QRICH1: variants seen among roughly 807,000 people sequenced by gnomAD.
QRICH1 encodes transcriptional regulator QRICH1.
A neutral mutation model predicts 87.1 loss-of-function variants in QRICH1; 16 were observed. The ratio of observed to expected loss-of-function variants is 0.18; its 90% CI spans 0.12 to 0.28. QRICH1 has a LOEUF of 0.28. Ranked by LOEUF, QRICH1 falls within the 10% of genes least tolerant of loss-of-function variation. QRICH1 has a pLI of 1.00. For synonymous variants in QRICH1, 367 were observed against 368.4 expected, an observed-to-expected ratio of 1.00 and a Z score of 0.05; for missense variants, 647 against 951.7, an observed-to-expected ratio of 0.68 and a Z score of 4.21.
chr3:49,069,596 C>T (rs945721830), intron 2 of QRICH1, among the ~76,000 whole-genome samples: 1 of 143,852 alleles, frequency 7.0e-6, no homozygotes, highest in Non-Finnish European at 1.5e-5. Context: ...GATCCTTCCA[C>T]CTCAGCCTCT....
At chr3:49,048,290 GCCCGGCTA>G (rs1444375337) in intron 3 of QRICH1, among the ~76,000 whole-genome samples, 10 of 151,502 alleles carry the variant, frequency 6.6e-5, no homozygotes, top group East Asian at 2.0e-4. Flanking sequence ...GTGCCACCAC[GCCCGGCTA>G]ATTTTGTATT....
At chr3:49,069,667 A>T (rs183502264) in intron 2 of QRICH1, among the ~76,000 whole-genome samples, 1 of 151,104 alleles carries the variant, frequency 6.6e-6, no homozygotes, top group African/African-American at 2.4e-5. Context: ...TTTAGTACAG[A>T]CAAAGTCTCA....
At chr3:49,045,657 T>G (rs2093334881) in intron 5 of QRICH1, among the ~76,000 whole-genome samples, 1 of 152,036 alleles carries the variant, frequency 6.6e-6, no homozygotes, top group African/African-American at 2.4e-5. Context: ...TGGAGTGTAG[T>G]GACATAATCA....
intron 1 of QRICH1, 56 bp downstream of exon 1, chr3:49,093,855 GC>G (rs933565767): frequency 2.4e-5 from 9 of 376,902 alleles, no homozygotes; most frequent in East Asian, 7.6e-5. Context: ...TGTGGGGTGG[GC>G]CCCCCGTCTC....
At chr3:49,084,240 C>T (rs1418935598) in intron 1 of QRICH1, among the ~76,000 whole-genome samples, 4 of 151,950 alleles carry the variant, frequency 2.6e-5, no homozygotes, top group Non-Finnish European at 5.9e-5. Flanking sequence ...GCAACCACAC[C>T]CAGCCTAAAT....
intron 1 of QRICH1, among the ~76,000 whole-genome samples, chr3:49,089,265 G>A (rs542251343): frequency 6.6e-6 from 1 of 152,048 alleles, no homozygotes; most frequent in Admixed American, 6.6e-5. Context: ...TCACCATGTT[G>A]GCCAGGCTGG....
chr3:49,050,889 C>A (rs896233672), intron 3 of QRICH1, among the ~76,000 whole-genome samples: 15 of 152,276 alleles, frequency 9.9e-5, no homozygotes, highest in East Asian at 7.7e-4. Context: ...CCCTCCTCCC[C>A]ACCACCCACA....
At chr3:49,044,355 T>G in intron 6 of QRICH1, 35 bp downstream of exon 6, 1 of 1,483,098 alleles carries the variant, frequency 6.7e-7, no homozygotes, top group Non-Finnish European at 9.3e-7. Context: ...TAAATCCAGG[T>G]AGGAAAGATA....
chr3:49,033,336 C>A, intron 6 of QRICH1, 108 bp from the exon 7 acceptor site: 1 of 589,700 alleles, frequency 1.7e-6, no homozygotes. Flanking sequence ...TAAATTTCAT[C>A]AGGGGACTCT....
chr3:49,033,257 A>T (rs375213605), intron 6 of QRICH1, 29 bp from the exon 7 acceptor site: 3 of 1,391,166 alleles, frequency 2.2e-6, no homozygotes, highest in Admixed American at 5.0e-5. Context: ...TGTCACAACA[A>T]GAGGATGGCA....
At chr3:49,075,330 CAAAAAA>C (rs941226226) in intron 2 of QRICH1, among the ~76,000 whole-genome samples, 12 of 65,914 alleles carry the variant, frequency 1.8e-4, no homozygotes, top group African/African-American at 6.7e-4. Context: ...CCCTGTCCCT[CAAAAAA>C]AAAAAAAAAA....
At chr3:49,092,411 C>T (rs189026460) in intron 1 of QRICH1, 1 of 152,170 alleles carries the variant, frequency 6.6e-6, no homozygotes, top group Admixed American at 6.6e-5. Flanking sequence ...CACCATGTTG[C>T]ATGTATTTCT....
intron 6 of QRICH1, among the ~76,000 whole-genome samples, chr3:49,036,909 A>G (rs923763094): frequency 6.6e-6 from 1 of 151,902 alleles, no homozygotes; most frequent in Middle Eastern, 3.2e-3. Context: ...CAAAAAATAC[A>G]AAAATTAAAC....
chr3:49,050,989 T>C (rs141183214), intron 3 of QRICH1, among the ~76,000 whole-genome samples: 1 of 152,330 alleles, frequency 6.6e-6, no homozygotes, highest in Non-Finnish European at 1.5e-5. Context: ...AAAAAGTTTG[T>C]CACCAATTAC....
intron 1 of QRICH1, among the ~76,000 whole-genome samples, chr3:49,088,262 G>GT (rs1170913598): frequency 1.3e-5 from 2 of 151,262 alleles, no homozygotes; most frequent in African/African-American, 4.9e-5. Context: ...CAGAATTGAC[G>GT]TATTTCTATT....
chr3:49,072,733 T>C (rs540322156), intron 2 of QRICH1, among the ~76,000 whole-genome samples: 2 of 152,118 alleles, frequency 1.3e-5, no homozygotes, highest in East Asian at 3.9e-4. Context: ...GTCTGCATTT[T>C]TGAGGAGCTA....
chr3:49,070,351 TTCTG>T (rs2093493905), intron 2 of QRICH1, among the ~76,000 whole-genome samples: 1 of 152,076 alleles, frequency 6.6e-6, no homozygotes. Flanking sequence ...CATCACCTAA[TTCTG>T]TCTACTTATT....
intron 3 of QRICH1, among the ~76,000 whole-genome samples, chr3:49,047,892 A>G (rs1239008780): frequency 6.6e-6 from 1 of 152,046 alleles, no homozygotes; most frequent in Non-Finnish European, 1.5e-5. Flanking sequence ...GCACCACTGC[A>G]CTCCAGCCTG....
intron 1 of QRICH1, among the ~76,000 whole-genome samples, chr3:49,079,806 A>C (rs765137252): frequency 2.2e-4 from 33 of 152,326 alleles, no homozygotes; most frequent in Admixed American, 7.2e-4. Context: ...AGGCAGGCAG[A>C]TCACCTGAGG....
Sources: allele counts gnomAD v4.1 joint callset (sites outside exome capture counted in the v4.1 genomes callset), GRCh38; gene constraint gnomAD v4.1.1; transcripts MANE v1.5; gene names NCBI Gene and HGNC (gene_info 2026-07-23, HGNC 2026-07-21).